DIDO1: variants seen among roughly 807,000 people sequenced by gnomAD.
The protein encoded by DIDO1 is death inducer-obliterator 1, also known as death-inducer obliterator 1.
A neutral mutation model predicts 99.4 loss-of-function variants in DIDO1; 16 were observed. That is an observed-to-expected ratio of 0.16 (90% CI 0.11 to 0.24). The LOEUF (loss-of-function observed/expected upper bound fraction) is 0.24. Ranked by LOEUF, DIDO1 falls within the 10% of genes least tolerant of loss-of-function variation. DIDO1 has a pLI of 1.00. For synonymous variants in DIDO1, 1,366 were observed against 1,239.1 expected (o/e 1.10, Z -2.15); for missense variants, 2,996 against 3,014.0 (o/e 0.99, Z 0.14).
chr20:62,898,994 A>C (rs1162005405), intron 6 of DIDO1, among the ~76,000 whole-genome samples: 1 of 152,172 alleles, frequency 6.6e-6, no homozygotes, highest in Non-Finnish European at 1.5e-5. Context: ...AGGTTAAATA[A>C]AAATCAGTGG....
At chr20:62,904,466 A>C (rs1483247022) in intron 6 of DIDO1, among the ~76,000 whole-genome samples, 1 of 152,114 alleles carries the variant, frequency 6.6e-6, no homozygotes, top group East Asian at 1.9e-4. Flanking sequence ...TTCTTTTATG[A>C]AGCTACTCAT....
intron 15 of DIDO1, chr20:62,887,420 G>A (rs2064313096): frequency 2.0e-6 from 2 of 985,344 alleles, no homozygotes; most frequent in African/African-American, 1.7e-5. Flanking sequence ...AAGACACTAT[G>A]GATTCAAACA....
In DIDO1 at chr20:62,910,964, G is replaced by A; in HGVS notation, c.649C>T (p.Gln217Ter). Residue 217 changes from glutamine to a stop codon, truncating the protein, a stop_gained, in exon 3 of 16, where the codon CAG becomes TAG. Transcript: ENST00000395343. LOFTEE classifies it high-confidence loss of function. ...DTVEGVLPSK[Q>*]EPENDQGVVS... ...ACCCCCTGATCGTTCTCGGGCTCCT[G>A]CTTACTGGGCAGGACGCCCTCCACA... 1 of 1,614,088 alleles carries A rather than the reference G, an allele frequency of 6.2e-7. No individual in the cohort carries two copies. The highest frequency in any genetic ancestry group is 8.5e-7 in the Non-Finnish European group (1 of 1,180,018).
Position 62,882,228 on chromosome 20 carries a change from T to C in DIDO1, c.3728A>G (p.Lys1243Arg), listed in dbSNP as rs1345421787. ...TVPQSEKKPSKYPLCSADAAV... is the reference protein window; with the variant it reads ...TVPQSEKKPSRYPLCSADAAV... ...CGCGTCTGCAGAGCAGAGTGGATAC[T>C]TGGAGGGCTTCTTTTCCGACTGCGG... Residue 1243 changes from lysine (K) to arginine (R), a missense_variant, in exon 16 of 16, where the codon AAG (lysine) becomes AGG (arginine). Physicochemically the swap from Lys to Arg is conservative, Grantham distance 26. This residue lies in a region of DIDO1 where 1,562 missense variants were observed against 1,412.6 expected (regional missense o/e 1.11). Coordinates refer to ENST00000395343, the MANE Select transcript of DIDO1 (RefSeq NM_001193369.2). 2 of 1,613,714 alleles carry C rather than the reference T, an allele frequency of 1.2e-6. No individual in the cohort carries two copies. The highest frequency in any genetic ancestry group is 1.7e-5 in the Admixed American group (1 of 60,018).
At chr20:62,888,073 C>T in intron 15 of DIDO1, 4 of 985,582 alleles carry the variant, frequency 4.1e-6, no homozygotes, top group Non-Finnish European at 4.8e-6. Flanking sequence ...CGACAAGGGC[C>T]AAGTGCTGAC....
chr20:62,919,052 G>T lies in DIDO1; in HGVS notation c.-199-4646C>A, dbSNP rs1195078322. 2.6e-5 allele frequency among the ~76,000 whole-genome samples: 4 copies of T among 152,244 alleles called. No homozygotes were observed. The East Asian group carries it at 7.7e-4, about 29-fold the overall frequency. ...CATGTACCATGATGGCCCACTCAAA[G>T]CTCCACCAGCTTGCGGCAGGAAACA... On this transcript the variant is annotated intron_variant, in intron 1 of 15. Transcript: ENST00000395343.
Position 62,894,502 on chromosome 20 carries a change from G to C in DIDO1, c.2483C>G (p.Pro828Arg). 4 of 1,613,152 alleles carry C rather than the reference G, an allele frequency of 2.5e-6. No individual in the cohort carries two copies. The highest frequency in any genetic ancestry group is 3.4e-6 in the Non-Finnish European group (4 of 1,180,000). The change falls in exon 11 of 16, where the codon CCG (proline) becomes CGG (arginine). Residue 828 changes from proline to arginine, a missense_variant. Pro to Arg is a moderately radical substitution (Grantham distance 103). Around this residue, in one of 5 missense-constraint regions of DIDO1, gnomAD observed 898 missense variants for 972.7 expected, o/e 0.92. Coordinates refer to ENST00000395343, the MANE Select transcript of DIDO1 (RefSeq NM_001193369.2). The surrounding 1 kb of genome is among the most constrained non-coding windows in gnomAD (Gnocchi z 4.4). ...CATGCTGCTGAAGACGTCGAGAAGC[G>C]GCGCTGTGCTCTTCTCAGGGACAGC... ...ARAVPEKSTAPLLDVFSSMLK... is the reference protein window; with the variant it reads ...ARAVPEKSTARLLDVFSSMLK...
Position 62,909,743 on chromosome 20 carries a change from C to A in DIDO1, c.1117G>T (p.Ala373Ser). The stretch of plus-strand genomic sequence containing the variant: ...TTCTTCTTGCCACTTGGATTTGCAG[C>A]TTTCTCAATTCTACCCTTTATCCCT... ...DQGIKGRIEK[A>S]ANPSGKKKLK... Residue 373 changes from alanine to serine, a missense_variant, in exon 4 of 16, where the codon GCT becomes TCT. By Grantham distance (99) the Ala-to-Ser change is moderately conservative (BLOSUM62 1). This residue lies in a region of DIDO1 where 898 missense variants were observed against 972.7 expected (regional missense o/e 0.92). Coordinates refer to ENST00000395343, the MANE Select transcript of DIDO1 (RefSeq NM_001193369.2). The A allele has an allele frequency of 6.2e-7, 1 of 1,614,112 alleles. No individual in the cohort carries two copies. The highest frequency in any genetic ancestry group is 8.5e-7 in the Non-Finnish European group (1 of 1,179,936).
chr20:62,903,848 G>A (rs1447189535), intron 6 of DIDO1, among the ~76,000 whole-genome samples: 1 of 152,196 alleles, frequency 6.6e-6, no homozygotes, highest in African/African-American at 2.4e-5. Context: ...GAGCTGATGT[G>A]TGGCAAAGAA....
In DIDO1 at chr20:62,881,332, C is replaced by T; in HGVS notation, c.4624G>A (p.Ala1542Thr). The T allele has an allele frequency of 2.5e-6, 4 of 1,604,660 alleles. No individual in the cohort carries two copies. The highest frequency in any genetic ancestry group is 3.4e-6 in the Non-Finnish European group (4 of 1,179,894). The change falls in exon 16 of 16, where the codon GCA (alanine) becomes ACA (threonine). Residue 1542 changes from alanine to threonine, a missense_variant. Ala to Thr is a moderately conservative substitution (Grantham distance 58, BLOSUM62 0). Coordinates refer to ENST00000395343, the MANE Select transcript of DIDO1 (RefSeq NM_001193369.2). This position sits in a 1 kb window ranked among gnomAD's most constrained non-coding sequence, Gnocchi z 8.3. ...AELFQQEQQSADKPASLPPAS... is the reference protein window; with the variant it reads ...AELFQQEQQSTDKPASLPPAS... ...GGGGGCAGTGAGGCGGGCTTGTCTGCAGACTGCTGCTCTTGCTGGAACAGC... is the reference window on the plus strand; with the variant it reads ...GGGGGCAGTGAGGCGGGCTTGTCTGTAGACTGCTGCTCTTGCTGGAACAGC...
intron 4 of DIDO1, 25 bp downstream of exon 4, chr20:62,909,674 C>T: frequency 6.2e-7 from 1 of 1,607,714 alleles, no homozygotes; most frequent in Non-Finnish European, 8.5e-7. Context: ...CTGCTGAATG[C>T]TCGTCTCAGC....
chr20:62,903,581 T>C (rs575175947), intron 6 of DIDO1, among the ~76,000 whole-genome samples: 12 of 152,268 alleles, frequency 7.9e-5, no homozygotes, highest in African/African-American at 2.4e-4. Context: ...TGCAGAGGTG[T>C]TTAGGGGAGA....
intron 1 of DIDO1, 64 bp downstream of exon 1, chr20:62,926,375 C>G (rs1430536311): frequency 6.6e-6 from 1 of 152,058 alleles, no homozygotes; most frequent in African/African-American, 2.4e-5. Context: ...GCCCCGCTCC[C>G]GAGGGCGGCC....
intron 6 of DIDO1, among the ~76,000 whole-genome samples, chr20:62,899,357 AATG>A (rs1390461431): frequency 6.6e-6 from 1 of 152,170 alleles, no homozygotes; most frequent in Non-Finnish European, 1.5e-5. Context: ...CGGTATCTTT[AATG>A]ATGTTTAACG....
chr20:62,887,906 C>T, intron 15 of DIDO1: 1 of 985,504 alleles, frequency 1.0e-6, no homozygotes, highest in Admixed American at 6.1e-5. Context: ...AGAGAGTGCC[C>T]CCACTGCGGG....
At position 62,911,751 on chromosome 20, in the gene DIDO1, T is replaced by C. The variant is rs2064947930; in HGVS notation, c.-2-137A>G. The C allele has an allele frequency of 1.5e-6, 1 of 678,470 alleles. No individual in the cohort carries two copies. Among genetic ancestry groups the C allele is most frequent in the Non-Finnish European group, 2.4e-6 (1 of 423,004 alleles). The allele number at this position is 678,470 out of a possible 1,614,324, so 42.0% of individuals were successfully genotyped here. A position where few individuals can be genotyped will look rare whatever the true frequency, so the allele number is the denominator to read the frequency against. On this transcript the variant is annotated intron_variant, in intron 2 of 15. Coordinates refer to ENST00000395343, the MANE Select transcript of DIDO1 (RefSeq NM_001193369.2). This position sits in a 1 kb window ranked among gnomAD's most constrained non-coding sequence, Gnocchi z 7.0. Reference sequence around the variant, plus strand: ...ATAAAGCAAGTCCTTCTGACCAGTGTTTCCTAATGTGTGCTATGTGAGATG... The same window carrying C: ...ATAAAGCAAGTCCTTCTGACCAGTGCTTCCTAATGTGTGCTATGTGAGATG...
Position 62,892,896 on chromosome 20 carries a change from A to G in DIDO1, c.3168T>C (p.Ile1056=). Residue 1056 remains isoleucine (I), a synonymous_variant, in exon 13 of 16, where the codon ATT becomes ATC. Transcript: ENST00000395343. ...TTLFLSRLST[I]WKGFINMQSV... is the part of the protein sequence containing the mutation. ...TCTGCATGTTAATAAATCCTTTCCA[A>G]ATGGTGCTGAGTCGAGACAAAAAGA... The G allele has an allele frequency of 6.2e-7, 1 of 1,614,110 alleles. No individual in the cohort carries two copies. Among genetic ancestry groups the G allele is most frequent in the Middle Eastern group, 1.6e-4 (1 of 6,062 alleles).
intron 1 of DIDO1, among the ~76,000 whole-genome samples, chr20:62,935,569 T>C (rs549476115): frequency 6.6e-6 from 1 of 152,182 alleles, no homozygotes; most frequent in Non-Finnish European, 1.5e-5. Context: ...GAGCAGGAGT[T>C]AGCCTAGGGA....
rs552380019 is a variant in DIDO1, at chr20:62,888,846, C to T, written c.3541+2114G>A. The T allele has an allele frequency of 4.2e-5, 41 of 985,390 alleles. No homozygotes were observed. In the Admixed American group the frequency reaches 9.8e-4, roughly 24 times the overall value. The allele number at this position is 985,390 out of a possible 1,614,324, so 61.0% of individuals were successfully genotyped here. On this transcript the variant is annotated intron_variant, in intron 15 of 15. Transcript: ENST00000395343. ...GGAAGTGTGTGAGATTTCACGCACA[C>T]GCATTCATGTCAACAAGGACATCAG...
Sources: gnomAD v4.1 joint callset for allele counts (sites outside exome capture counted in the v4.1 genomes callset) on GRCh38, gnomAD v4.1.1 for gene constraint, gnomAD v4.1.1 regional missense constraint, Gnocchi (gnomAD v3.1) non-coding constraint, MANE v1.5 for transcripts, NCBI Gene and HGNC (gene_info 2026-07-23, HGNC 2026-07-21) for gene names.